CHODL: variants seen among roughly 807,000 people sequenced by gnomAD.
CHODL encodes the protein chondrolectin.
A neutral mutation model predicts 34.5 loss-of-function variants in CHODL; 29 were observed. The observed-to-expected ratio is 0.84, with a 90% confidence interval of 0.63 to 1.15. CHODL has a LOEUF of 1.15. Ranked by LOEUF, CHODL falls within the 50% of genes most tolerant of loss-of-function variation. The pLI is 0.00. For missense variants in CHODL, 332 were observed against 332.5 expected, an observed-to-expected ratio of 1.00 and a Z score of 0.01; for synonymous variants, 125 against 116.1, an observed-to-expected ratio of 1.08 and a Z score of -0.49.
intron 2 of CHODL, among the ~76,000 whole-genome samples, chr21:18,043,149 A>G (rs9976734): frequency 0.023 from 3,437 of 152,062 alleles, 116 homozygotes; most frequent in African/African-American, 0.076. Flanking sequence ...AAATGAGTCT[A>G]TCTCTACTAT....
At chr21:17,999,752 A>G (rs532020595) in intron 1 of CHODL, among the ~76,000 whole-genome samples, 1 of 152,094 alleles carries the variant, frequency 6.6e-6, no homozygotes, top group South Asian at 2.1e-4. Context: ...CCCACAACAC[A>G]TGGGAATTCT....
intron 2 of CHODL, among the ~76,000 whole-genome samples, chr21:18,189,053 A>T (rs1353478613): frequency 2.0e-5 from 3 of 152,144 alleles, no homozygotes; most frequent in African/African-American, 7.2e-5. Flanking sequence ...GTCATATTTT[A>T]TAGTTTGTTG....
At chr21:18,240,825 G>A (rs2146770673), upstream of CHODL, among the ~76,000 whole-genome samples, 1 of 152,146 alleles carries the variant, frequency 6.6e-6, no homozygotes, top group Admixed American at 6.5e-5. Flanking sequence ...ACTAGTAATG[G>A]AGTTCTATAA....
chr21:18,221,322 T>C (rs1004743624), intron 2 of CHODL, among the ~76,000 whole-genome samples: 1 of 152,050 alleles, frequency 6.6e-6, no homozygotes, highest in African/African-American at 2.4e-5. Flanking sequence ...CTGCATTCTC[T>C]TATATCTTGC....
chr21:18,195,513 A>G (rs750503795), intron 2 of CHODL, among the ~76,000 whole-genome samples: 1 of 152,088 alleles, frequency 6.6e-6, no homozygotes, highest in Non-Finnish European at 1.5e-5. Context: ...CCCTGCTTCT[A>G]TGAGTTCAGC....
At chr21:17,990,885 A>G (rs920756234) in intron 1 of CHODL, among the ~76,000 whole-genome samples, 3 of 152,092 alleles carry the variant, frequency 2.0e-5, no homozygotes, top group African/African-American at 7.2e-5. Flanking sequence ...AAGTCACCCT[A>G]CTGTGCTATT....
intron 2 of CHODL, among the ~76,000 whole-genome samples, chr21:18,052,268 G>T (rs2064525286): frequency 6.6e-6 from 1 of 151,768 alleles, no homozygotes; most frequent in African/African-American, 2.4e-5. Flanking sequence ...AATTTTATAG[G>T]GTGCTATGAA....
chr21:17,994,674 G>C (rs559813439), intron 1 of CHODL, among the ~76,000 whole-genome samples: 8 of 152,174 alleles, frequency 5.3e-5, no homozygotes, highest in Admixed American at 3.9e-4. Context: ...GATGATGTGC[G>C]TCAGTGACAG....
chr21:17,947,852 CAT>C (rs2063424149), intron 1 of CHODL, among the ~76,000 whole-genome samples: 1 of 152,114 alleles, frequency 6.6e-6, no homozygotes, highest in East Asian at 1.9e-4. Flanking sequence ...TGCCTCCACT[CAT>C]ATATTTTTGC....
intron 2 of CHODL, among the ~76,000 whole-genome samples, chr21:18,076,871 C>T (rs1485524839): frequency 6.6e-6 from 1 of 152,168 alleles, no homozygotes; most frequent in Non-Finnish European, 1.5e-5. Context: ...GAAATTCCAT[C>T]CCCAGGGAGC....
intron 2 of CHODL, among the ~76,000 whole-genome samples, chr21:18,234,753 A>G (rs1391157937): frequency 6.6e-6 from 1 of 152,110 alleles, no homozygotes; most frequent in Non-Finnish European, 1.5e-5. Context: ...AAGAAACTTT[A>G]TTAAATAAAA....
At chr21:18,092,519 A>G (rs988380688) in intron 2 of CHODL, among the ~76,000 whole-genome samples, 60 of 152,372 alleles carry the variant, frequency 3.9e-4, no homozygotes, top group African/African-American at 1.3e-3. Flanking sequence ...TAAAACAGAG[A>G]TATCTGGCCT....
intron 1 of CHODL, among the ~76,000 whole-genome samples, chr21:17,921,830 G>A (rs1343458956): frequency 6.6e-6 from 1 of 152,216 alleles, no homozygotes; most frequent in Non-Finnish European, 1.5e-5. Flanking sequence ...GCTGGACTAG[G>A]TTGATGCAGC....
intron 2 of CHODL, among the ~76,000 whole-genome samples, chr21:18,222,989 A>G (rs1345617526): frequency 1.3e-5 from 2 of 152,254 alleles, no homozygotes; most frequent in South Asian, 2.1e-4. Context: ...CACTTGAGGA[A>G]TTAAGTAGAA....
intron 2 of CHODL, among the ~76,000 whole-genome samples, chr21:18,138,533 A>C (rs2072764633): frequency 6.6e-6 from 1 of 152,116 alleles, no homozygotes; most frequent in Non-Finnish European, 1.5e-5. Flanking sequence ...TTATTTACAG[A>C]ATTTTATTGA....
intron 2 of CHODL, among the ~76,000 whole-genome samples, chr21:18,161,358 T>C (rs960719210): frequency 6.6e-6 from 1 of 152,236 alleles, no homozygotes; most frequent in Non-Finnish European, 1.5e-5. Flanking sequence ...CATGTTTTCA[T>C]ACATTTATAC....
chr21:18,089,416 T>TAGTGAGTAG (rs1451250329), intron 2 of CHODL, among the ~76,000 whole-genome samples: 4 of 152,184 alleles, frequency 2.6e-5, no homozygotes, highest in Non-Finnish European at 4.4e-5. Flanking sequence ...TCTGTTTTTA[T>TAGTGAGTAG]AGTGAGTAGA....
chr21:18,193,445 C>T (rs2073536705), intron 2 of CHODL, among the ~76,000 whole-genome samples: 1 of 151,932 alleles, frequency 6.6e-6, no homozygotes, highest in Admixed American at 6.6e-5. Context: ...CCTGTAATCC[C>T]AGCATTTTGG....
intron 1 of CHODL, among the ~76,000 whole-genome samples, chr21:18,004,436 G>A (rs2063941058): frequency 6.6e-6 from 1 of 152,196 alleles, no homozygotes; most frequent in South Asian, 2.1e-4. Context: ...AGTTACAACA[G>A]AAATACTCTT....
Sources: allele counts gnomAD v4.1 joint callset (sites outside exome capture counted in the v4.1 genomes callset), GRCh38; gene constraint gnomAD v4.1.1; transcripts MANE v1.5; gene names NCBI Gene and HGNC (gene_info 2026-07-23, HGNC 2026-07-21).